CHD8: variants seen among roughly 807,000 people sequenced by gnomAD.
The protein encoded by CHD8 is chromodomain helicase DNA binding protein 8.
Under a neutral mutation model 279.2 loss-of-function variants are expected in CHD8, and 31 were observed. That is an observed-to-expected ratio of 0.11 (90% CI 0.08 to 0.15). The LOEUF is 0.15. Among genes scored for constraint, CHD8 ranks in the 10% least tolerant of loss-of-function variants. The pLI is 1.00. For missense variants in CHD8, 2,146 were observed against 3,230.5 expected, an observed-to-expected ratio of 0.66 and a Z score of 8.14; for synonymous variants, 1,081 against 1,139.6, an observed-to-expected ratio of 0.95 and a Z score of 1.04.
chr14:21,403,628 C>T lies in CHD8; in HGVS notation c.3343G>A (p.Ala1115Thr). 1.9e-6 allele frequency: 3 copies of T among 1,604,134 alleles called. No homozygotes were observed. The highest frequency in any genetic ancestry group is 2.6e-6 in the Non-Finnish European group (3 of 1,174,838). ...EEKILTEFRE[A>T]CHIIPHDFHL... ...AAGTCATGAGGTATAATATGGCAAG[C>T]TTCACGGAATTCTGTTAGGATTTTT... is the stretch of plus-strand genomic sequence containing the variant. Residue 1115 changes from alanine (A) to threonine (T), a missense_variant, in exon 17 of 38, where the codon GCT (alanine) becomes ACT (threonine). Physicochemically the swap from Ala to Thr is moderately conservative, Grantham distance 58. Around this residue, in one of 26 missense-constraint regions of CHD8, gnomAD observed 30 missense variants for 28.4 expected, o/e 1.06. Coordinates refer to ENST00000646647, the MANE Select transcript of CHD8 (RefSeq NM_001170629.2). This position sits in a 1 kb window ranked among gnomAD's most constrained non-coding sequence, Gnocchi z 4.3.
At chr14:21,423,826 A>G (rs1207898160) in intron 5 of CHD8, among the ~76,000 whole-genome samples, 2 of 152,226 alleles carry the variant, frequency 1.3e-5, no homozygotes, top group Admixed American at 6.5e-5. Flanking sequence ...TCCTTGAAGC[A>G]ACCCTATTTG....
intron 1 of CHD8, among the ~76,000 whole-genome samples, chr14:21,445,125 CTCAAATCCA>C (rs1294324124): frequency 4.6e-5 from 7 of 152,202 alleles, no homozygotes; most frequent in Non-Finnish European, 1.5e-5. Context: ...CTAAAGATCC[CTCAAATCCA>C]TCTACTTCTG....
At chr14:21,413,035 T>C (rs1326063222) in intron 9 of CHD8, 39 bp from the exon 10 acceptor site, 2 of 1,262,148 alleles carry the variant, frequency 1.6e-6, no homozygotes, top group East Asian at 2.3e-5. Flanking sequence ...GACCAAAAGA[T>C]CACTGTCCAG....
At chr14:21,454,547 C>T (rs1374265279) in intron 1 of CHD8, among the ~76,000 whole-genome samples, 2 of 152,046 alleles carry the variant, frequency 1.3e-5, no homozygotes, top group Non-Finnish European at 1.5e-5. Context: ...AGGCTGGTCT[C>T]GAACTCCTGA....
At chr14:21,394,750 C>T (rs1594332650) in intron 30 of CHD8, 162 bp downstream of exon 30, 1 of 700,106 alleles carries the variant, frequency 1.4e-6, no homozygotes, top group Non-Finnish European at 2.3e-6. Context: ...TTAATGATTA[C>T]TGCATGCAAG....
At chr14:21,406,096 T>C (rs1888243489) in intron 14 of CHD8, among the ~76,000 whole-genome samples, 1 of 152,138 alleles carries the variant, frequency 6.6e-6, no homozygotes, top group Non-Finnish European at 1.5e-5. Context: ...ATAACATAAA[T>C]ATTATAAGCA....
chr14:21,385,774 A>G lies in CHD8; in HGVS notation c.7585T>C (p.Leu2529=). Residue 2529 remains leucine (L), a synonymous_variant, in exon 38 of 38, where the codon TTG becomes CTG. Coordinates refer to ENST00000646647, the MANE Select transcript of CHD8 (RefSeq NM_001170629.2). The part of the protein sequence containing the change: ...SPVTTASGTT[L]RLPPLQPEED... ...TCAGGTTGCAGTGGTGGCAACCGCA[A>G]GGTAGTACCAGAGGCGGTAGTCACT... 6.8e-7 allele frequency: 1 copy of G among 1,469,688 alleles called. No homozygotes were observed. Among genetic ancestry groups the G allele is most frequent in the Non-Finnish European group, 9.1e-7 (1 of 1,097,488 alleles). 91.0% of individuals were successfully genotyped at this position (1,469,688 alleles called of 1,614,324 possible).
In CHD8 at chr14:21,385,485, T is replaced by C. The variant is rs1272199378; in HGVS notation, c.*128A>G. ...AATCAGGTACATTTTTTTTTTTTTT[T>C]CCTTTTCACCTCCTGGAGTCCTGGA... On this transcript the variant is annotated 3_prime_UTR_variant, in exon 38 of 38. Transcript: ENST00000646647. The C allele has an allele frequency of 2.2e-6, 3 of 1,357,926 alleles. No individual in the cohort carries two copies. Among genetic ancestry groups the C allele is most frequent in the African/African-American group, 3.0e-5 (2 of 66,908 alleles). The allele number at this position is 1,357,926 out of a possible 1,614,324, so 84.1% of individuals were successfully genotyped here.
chr14:21,451,462 T>G (rs1890253363), intron 1 of CHD8, among the ~76,000 whole-genome samples: 1 of 148,318 alleles, frequency 6.7e-6, no homozygotes, highest in African/African-American at 2.5e-5. Context: ...TCCCAGCTAC[T>G]CGGGGAGGCT....
chr14:21,432,526 A>G lies in CHD8; in HGVS notation c.-215-668T>C, dbSNP rs566590799. ...TGCAAGGGATTCAACATTGTTTCCAATTTATATTCCCAACTTCCTCTTACC... is the reference window on the plus strand; with the variant it reads ...TGCAAGGGATTCAACATTGTTTCCAGTTTATATTCCCAACTTCCTCTTACC... On this transcript the variant is annotated intron_variant, in intron 1 of 37. Coordinates refer to ENST00000646647, the MANE Select transcript of CHD8 (RefSeq NM_001170629.2). Among the ~76,000 whole-genome samples the G allele has an allele frequency of 2.0e-5, 3 of 152,308 alleles. No individual in the cohort carries two copies. In the South Asian group the frequency reaches 6.2e-4, roughly 32 times the overall value.
rs777463739 is a variant in CHD8 at position 21,391,868 on chromosome 14, G to A, written c.6850C>T (p.His2284Tyr). 6.2e-7 allele frequency: 1 copy of A among 1,613,610 alleles called. No homozygotes were observed. ...GVMGDGHPLF[H>Y]KKKGNRKKLV... is the part of the protein sequence containing the mutation. ...TTCTTTCTGTTCCCCTTCTTCTTATGAAACAGTGGATGTCCATCTCCCATT... is the reference window on the plus strand; with the variant it reads ...TTCTTTCTGTTCCCCTTCTTCTTATAAAACAGTGGATGTCCATCTCCCATT... Residue 2284 changes from histidine to tyrosine, a missense_variant, in exon 35 of 38, where the codon CAT becomes TAT. By Grantham distance (83) the His-to-Tyr change is moderately conservative. Coordinates refer to ENST00000646647, the MANE Select transcript of CHD8 (RefSeq NM_001170629.2).
rs1405740161 is a variant in CHD8 at position 21,431,247 on chromosome 14, T to G, written c.397A>C (p.Asn133His). 9 of 1,597,220 alleles carry G rather than the reference T, an allele frequency of 5.6e-6. No homozygotes were observed. In the East Asian group the frequency reaches 1.8e-4, roughly 32 times the overall value. The change falls in exon 2 of 38, where the codon AAT (asparagine) becomes CAT (histidine). Residue 133 changes from asparagine (N) to histidine (H), a missense_variant. By Grantham distance (68) the Asn-to-His change is moderately conservative (BLOSUM62 1). Around this residue, in one of 26 missense-constraint regions of CHD8, gnomAD observed 302 missense variants for 325.5 expected, o/e 0.93. Transcript: ENST00000646647. ...SKSQEILSQG[N>H]PFMGVSATAV... is the part of the protein sequence containing the mutation. ...GTGGCAGAGACACCCATGAAAGGAT[T>G]CCCTTGGCTCAGGATCTCCTGGCTC... is the stretch of plus-strand genomic sequence containing the variant.
intron 5 of CHD8, chr14:21,416,620 G>C (rs901025069): frequency 1.3e-5 from 2 of 151,520 alleles, no homozygotes; most frequent in Admixed American, 6.6e-5. Flanking sequence ...ACAAAAATTA[G>C]CCAGGCCTTA....
chr14:21,393,275 A>AT, intron 32 of CHD8, 21 bp from the exon 33 acceptor site: 1 of 1,612,850 alleles, frequency 6.2e-7, no homozygotes, highest in Non-Finnish European at 8.5e-7. Flanking sequence ...AGCCCATAGA[A>AT]TGTGTGAGAA....
rs1674206814 is a variant in CHD8, at chr14:21,431,454, T to C, written c.190A>G (p.Ser64Gly). 4 of 1,537,210 alleles carry C rather than the reference T, an allele frequency of 2.6e-6. No individual in the cohort carries two copies. Among genetic ancestry groups the C allele is most frequent in the Non-Finnish European group, 3.5e-6 (4 of 1,146,886 alleles). ...GGGDVGNSSA[S>G]ELVPPPEETA... ...TCCTCTGGTGGAGGGACCAGTTCAC[T>C]TGCTGATGAATTCCCCACATCACCA... Residue 64 changes from serine (S) to glycine (G), a missense_variant, in exon 2 of 38, where the codon AGT becomes GGT. By Grantham distance (56) the Ser-to-Gly change is moderately conservative. This residue lies in a region of CHD8 where 302 missense variants were observed against 325.5 expected (regional missense o/e 0.93). Transcript: ENST00000646647.
At chr14:21,411,077 A>G (rs1188567775) in intron 10 of CHD8, among the ~76,000 whole-genome samples, 2 of 152,194 alleles carry the variant, frequency 1.3e-5, no homozygotes, top group African/African-American at 4.8e-5. Context: ...AAACATTATC[A>G]TCTGTCACGT....
chr14:21,438,512 T>TAAAAAAAAAAAAAAAAAA (rs559681631), intron 1 of CHD8, among the ~76,000 whole-genome samples: 2 of 112,500 alleles, frequency 1.8e-5, no homozygotes, highest in African/African-American at 6.9e-5. Flanking sequence ...CCTAGTCTCT[T>TAAAAAAAAAAAAAAAAAA]AAAAAAAAAA....
intron 3 of CHD8, 122 bp downstream of exon 3, chr14:21,428,834 GTCTGCACC>G: frequency 1.4e-6 from 1 of 732,718 alleles, no homozygotes; most frequent in South Asian, 2.0e-5. Context: ...AAAGAATTAA[GTCTGCACC>G]TCAGTTCAGA....
intron 10 of CHD8, among the ~76,000 whole-genome samples, chr14:21,412,143 TTTTG>T (rs894514537): frequency 7.7e-5 from 11 of 143,686 alleles, no homozygotes; most frequent in East Asian, 6.3e-4. Context: ...AGATCTGCTT[TTTTG>T]TTTGTTTGTT....
Sources: allele counts gnomAD v4.1 joint callset (sites outside exome capture counted in the v4.1 genomes callset), GRCh38; gene constraint gnomAD v4.1.1; regional missense constraint gnomAD v4.1.1; non-coding constraint Gnocchi (gnomAD v3.1); transcripts MANE v1.5; gene names NCBI Gene and HGNC (gene_info 2026-07-23, HGNC 2026-07-21).